The following CNTRL variants were observed in gnomAD, a reference collection of about 807,000 sequenced individuals.
CNTRL encodes centriolin.
Under a neutral mutation model 303.7 loss-of-function variants are expected in CNTRL, and 233 were observed. That is an observed-to-expected ratio of 0.77 (90% CI 0.69 to 0.86). CNTRL has a LOEUF of 0.86. Among genes scored for constraint, CNTRL ranks in the 40% least tolerant of loss-of-function variants. The pLI, the probability that CNTRL is intolerant of heterozygous loss-of-function variation, is 0.00. For missense variants in CNTRL, 2,524 were observed against 2,650.6 expected, an observed-to-expected ratio of 0.95 and a Z score of 1.05; for synonymous variants, 900 against 922.2, an observed-to-expected ratio of 0.98 and a Z score of 0.44.
chr9:121,094,766 G>A (rs1225918525), intron 4 of CNTRL, 122 bp from the exon 5 acceptor site: 2 of 647,274 alleles, frequency 3.1e-6, no homozygotes, highest in Non-Finnish European at 5.1e-6. Flanking sequence ...CTCCAGGAGA[G>A]CAGTAAGGGT....
At chr9:121,078,379 G>A (rs1316999012) in intron 1 of CNTRL, among the ~76,000 whole-genome samples, 1 of 152,210 alleles carries the variant, frequency 6.6e-6, no homozygotes, top group African/African-American at 2.4e-5. Context: ...CCGCACTCCA[G>A]CCTGGGCAAC....
chr9:121,172,357 T>G (rs1454944166), intron 40 of CNTRL, among the ~76,000 whole-genome samples: 2 of 151,786 alleles, frequency 1.3e-5, no homozygotes, highest in Admixed American at 1.3e-4. Context: ...AAGAAACCTC[T>G]AGGCTGGGTG....
chr9:121,164,451 A>G (rs1323396528), intron 34 of CNTRL, among the ~76,000 whole-genome samples: 1 of 152,226 alleles, frequency 6.6e-6, no homozygotes, highest in Admixed American at 6.5e-5. Context: ...TCCACACTGT[A>G]GAATACTACT....
rs757815527 is a variant in CNTRL, at chr9:121,113,678, A to G, written c.1299A>G (p.Thr433=). 1.6e-5 allele frequency: 25 copies of G among 1,575,352 alleles called. No individual in the cohort carries two copies. The highest frequency in any genetic ancestry group is 6.9e-5 in the African/African-American group (5 of 72,950). ...ATCACATGAACTTGAGAGGCCACAC[A>G]CCACTGGACACGCAACTGGAAGACA... ...RNDHMNLRGH[T]PLDTQLEDKE... is the part of the protein sequence containing the mutation. Residue 433 remains threonine, a synonymous_variant, in exon 10 of 44, where the codon ACA becomes ACG. Transcript: ENST00000373855.
In CNTRL at chr9:121,157,580, C is replaced by G; in HGVS notation, c.4476C>G (p.Val1492=). The change falls in exon 28 of 44, where the codon GTC becomes GTG. Residue 1492 remains valine (V), a synonymous_variant. Coordinates refer to ENST00000373855, the MANE Select transcript of CNTRL (RefSeq NM_007018.6). ...CTCAGGAAACTGCTGTTAACCTCGT[C>G]AAAGCTGATCAGCAGCTAAGGTAGG... The part of the protein sequence containing the change: ...RRAQETAVNL[V]KADQQLRSLQ... 1.2e-6 allele frequency: 2 copies of G among 1,614,030 alleles called. No individual in the cohort carries two copies. Among genetic ancestry groups the G allele is most frequent in the South Asian group, 1.1e-5 (1 of 91,072 alleles).
At chr9:121,104,657 T>C (rs528108327) in intron 7 of CNTRL, among the ~76,000 whole-genome samples, 1 of 151,898 alleles carries the variant, frequency 6.6e-6, no homozygotes, top group Admixed American at 6.6e-5. Context: ...CCTTGGAATT[T>C]TGATTTTATT....
At chr9:121,166,477 A>T (rs1245145087) in intron 36 of CNTRL, among the ~76,000 whole-genome samples, 1 of 152,142 alleles carries the variant, frequency 6.6e-6, no homozygotes, top group Admixed American at 6.6e-5. Flanking sequence ...GGTTTCAGGG[A>T]CCAGATGGGC....
chr9:121,092,929 C>T (rs2048728517), intron 4 of CNTRL, among the ~76,000 whole-genome samples: 1 of 147,630 alleles, frequency 6.8e-6, no homozygotes, highest in African/African-American at 2.5e-5. Flanking sequence ...GCCTTAGCCT[C>T]CTGAGTAGCT....
Position 121,160,382 on chromosome 9 carries a change from G to A in CNTRL, c.5089+80G>A. The A allele has an allele frequency of 8.3e-6, 9 of 1,090,658 alleles. No individual in the cohort carries two copies. In the South Asian group the frequency reaches 8.9e-5, roughly 11 times the overall value. The allele number at this position is 1,090,658 out of a possible 1,614,324, so 67.6% of individuals were successfully genotyped here. A position where few individuals can be genotyped will look rare whatever the true frequency, so the allele number is the denominator to read the frequency against. ...ACAAGTCACAGAAAAAATAACAAAT[G>A]GCCAAAAAAACTTTAAAGTTTAACC... is the stretch of plus-strand genomic sequence containing the variant. On this transcript the variant is annotated intron_variant, in intron 32 of 43. Coordinates refer to ENST00000373855, the MANE Select transcript of CNTRL (RefSeq NM_007018.6).
At chr9:121,163,765 ATAAT>A (rs1178936503) in intron 34 of CNTRL, among the ~76,000 whole-genome samples, 3 of 152,326 alleles carry the variant, frequency 2.0e-5, no homozygotes, top group Non-Finnish European at 2.9e-5. Context: ...GATACGCAGG[ATAAT>A]TAATCATTAG....
chr9:121,175,953 A>G (rs2053507061), intron 43 of CNTRL, among the ~76,000 whole-genome samples: 1 of 152,216 alleles, frequency 6.6e-6, no homozygotes, highest in Non-Finnish European at 1.5e-5. Context: ...CCTAAGGTCT[A>G]TAAAAACCCT....
chr9:121,119,224 A>C (rs907148994), intron 12 of CNTRL, among the ~76,000 whole-genome samples: 7 of 151,180 alleles, frequency 4.6e-5, no homozygotes, highest in African/African-American at 1.7e-4. Context: ...AAGTGGTTGA[A>C]TTTCATTGTA....
intron 7 of CNTRL, among the ~76,000 whole-genome samples, chr9:121,105,703 A>G (rs534973130): frequency 6.6e-6 from 1 of 152,330 alleles, no homozygotes; most frequent in East Asian, 1.9e-4. Context: ...GGAAGTGGTC[A>G]ACTCTGTTGA....
At chr9:121,139,147 AT>A (rs564743892) in intron 16 of CNTRL, among the ~76,000 whole-genome samples, 111 of 152,368 alleles carry the variant, frequency 7.3e-4, no homozygotes, top group Admixed American at 2.0e-3. Flanking sequence ...GCTATTAAAA[AT>A]GTCATCATTT....
At chr9:121,154,663 A>T in intron 26 of CNTRL, 58 bp from the exon 27 acceptor site, 1 of 1,013,782 alleles carries the variant, frequency 9.9e-7, no homozygotes, top group Non-Finnish European at 1.5e-6. Context: ...GTTAGGCTAC[A>T]AGTATCTGTA....
At chr9:121,119,594 G>A (rs576036148) in intron 12 of CNTRL, among the ~76,000 whole-genome samples, 152 of 135,124 alleles carry the variant, frequency 1.1e-3, no homozygotes, top group African/African-American at 4.0e-3. Flanking sequence ...ATGCCCTGCC[G>A]AAGCGATTCT....
chr9:121,152,246 A>G (rs2052314301), intron 25 of CNTRL: 3 of 457,522 alleles, frequency 6.6e-6, no homozygotes, highest in Non-Finnish European at 8.0e-6. Context: ...GAGGTTATCC[A>G]CAAGAGGCTT....
Position 121,135,890 on chromosome 9 carries a change from T to C in CNTRL, c.2110T>C (p.Tyr704His), listed in dbSNP as rs199580879. ...GCAGACCCAGGGAGATCTCAGTGCC[T>C]ATGAAGCTGAGCTAGAGGCTCGGCT... is the stretch of plus-strand genomic sequence containing the variant. Reference protein sequence around the residue: ...LQQTQGDLSAYEAELEARLNL... With the variant: ...LQQTQGDLSAHEAELEARLNL... The change falls in exon 15 of 44, where the codon TAT becomes CAT. Residue 704 changes from tyrosine to histidine, a missense_variant. Transcript: ENST00000373855. 6.2e-7 allele frequency: 1 copy of C among 1,613,940 alleles called. No homozygotes were observed. Among genetic ancestry groups the C allele is most frequent in the Non-Finnish European group, 8.5e-7 (1 of 1,179,928 alleles).
chr9:121,174,317 C>T (rs1228937165), intron 42 of CNTRL, among the ~76,000 whole-genome samples: 2 of 152,136 alleles, frequency 1.3e-5, no homozygotes, highest in Non-Finnish European at 2.9e-5. Flanking sequence ...TGAGAGAGTG[C>T]AGTGCTATAG....
Sources: allele counts gnomAD v4.1 joint callset (sites outside exome capture counted in the v4.1 genomes callset), GRCh38; gene constraint gnomAD v4.1.1; transcripts MANE v1.5; gene names NCBI Gene and HGNC (gene_info 2026-07-23, HGNC 2026-07-21).